Variants in NRG1 observed in about 807,000 individuals in gnomAD.
NRG1 encodes pro-neuregulin-1, membrane-bound isoform.
Under a neutral mutation model 63.8 loss-of-function variants are expected in NRG1, and 18 were observed. The observed-to-expected ratio is 0.28, with a 90% CI of 0.19 to 0.42. The LOEUF is 0.42. Ranked by LOEUF, NRG1 falls within the 10% of genes least tolerant of loss-of-function variation. The pLI, the probability that NRG1 is intolerant of heterozygous loss-of-function variation, is 1.00. For missense variants in NRG1, 762 were observed against 814.7 expected (o/e 0.94, Z 0.79); for synonymous variants, 302 against 301.3 (o/e 1.00, Z -0.02).
At chr8:31,921,569 A>G (rs1833922920) in intron 1 of NRG1, among the ~76,000 whole-genome samples, 1 of 152,092 alleles carries the variant, frequency 6.6e-6, no homozygotes, top group South Asian at 2.1e-4. Flanking sequence ...ATCATAAACC[A>G]TCCTTCCCTC....
chr8:32,028,473 G>A (rs1263791861), intron 1 of NRG1, among the ~76,000 whole-genome samples: 1 of 152,146 alleles, frequency 6.6e-6, no homozygotes, highest in Non-Finnish European at 1.5e-5. Context: ...TTTGATTTTG[G>A]ACTTAGTTTC....
At chr8:32,249,692 A>G (rs1208898228) in intron 1 of NRG1, among the ~76,000 whole-genome samples, 1 of 152,116 alleles carries the variant, frequency 6.6e-6, no homozygotes, top group Non-Finnish European at 1.5e-5. Context: ...AGACTTATTC[A>G]TAGTTCCTTG....
At chr8:32,264,246 T>G (rs569466329) in intron 1 of NRG1, among the ~76,000 whole-genome samples, 10 of 152,216 alleles carry the variant, frequency 6.6e-5, no homozygotes, top group Non-Finnish European at 1.2e-4. Flanking sequence ...TTTTCTTAAT[T>G]TTTAATTGTC....
intron 1 of NRG1, among the ~76,000 whole-genome samples, chr8:32,590,444 T>A (rs958913235): frequency 6.6e-6 from 1 of 152,222 alleles, no homozygotes; most frequent in Non-Finnish European, 1.5e-5. Context: ...CCTCCTGCAT[T>A]TGAAGCATTA....
At chr8:31,953,758 C>T (rs2129623817) in intron 1 of NRG1, among the ~76,000 whole-genome samples, 1 of 152,232 alleles carries the variant, frequency 6.6e-6, no homozygotes, top group East Asian at 1.9e-4. Flanking sequence ...TGAGCACTTC[C>T]TATATTCCTG....
intron 7 of NRG1, among the ~76,000 whole-genome samples, chr8:32,743,573 C>CATATATATACATAT (rs1826839824): frequency 8.8e-6 from 1 of 113,714 alleles, no homozygotes; most frequent in African/African-American, 3.4e-5. Flanking sequence ...TAAGGCAAAA[C>CATATATATACATAT]ATATATATAT....
At chr8:32,157,230 T>C (rs1234098510) in intron 1 of NRG1, among the ~76,000 whole-genome samples, 1 of 151,234 alleles carries the variant, frequency 6.6e-6, no homozygotes, top group African/African-American at 2.4e-5. Flanking sequence ...ATTAGCGTGC[T>C]GGCATGCACC....
chr8:32,640,857 A>G (rs368801682), intron 5 of NRG1, among the ~76,000 whole-genome samples: 1 of 151,994 alleles, frequency 6.6e-6, no homozygotes, highest in East Asian at 1.9e-4. Flanking sequence ...GCACTTTGGG[A>G]GGCTGTGGTG....
intron 1 of NRG1, among the ~76,000 whole-genome samples, chr8:31,726,503 A>T (rs1248897953): frequency 1.3e-5 from 2 of 152,198 alleles, no homozygotes; most frequent in Non-Finnish European, 2.9e-5. Flanking sequence ...ATTTTATTAG[A>T]TCTAGAATGA....
At chr8:32,157,712 A>T (rs1339719305) in intron 1 of NRG1, among the ~76,000 whole-genome samples, 4 of 149,988 alleles carry the variant, frequency 2.7e-5, no homozygotes, top group Non-Finnish European at 5.9e-5. Context: ...TTTTATATAC[A>T]TATCTATATA....
At chr8:32,346,138 A>G (rs1426890921) in intron 1 of NRG1, among the ~76,000 whole-genome samples, 1 of 147,292 alleles carries the variant, frequency 6.8e-6, no homozygotes, top group Non-Finnish European at 1.5e-5. Context: ...TATAAATTAT[A>G]TACCTATAAA....
At chr8:32,728,380 A>G in intron 6 of NRG1, 1 of 985,310 alleles carries the variant, frequency 1.0e-6, no homozygotes, top group African/African-American at 1.7e-5. Flanking sequence ...TTCAGAAAAG[A>G]TGTGCAGATA....
At chr8:31,820,354 C>T (rs1359569656) in intron 1 of NRG1, among the ~76,000 whole-genome samples, 4 of 152,192 alleles carry the variant, frequency 2.6e-5, no homozygotes. Flanking sequence ...TGTATTCTGG[C>T]ATGTAAGCAA....
At chr8:32,546,919 C>A (rs773743135), upstream of NRG1, among the ~76,000 whole-genome samples, 3 of 152,130 alleles carry the variant, frequency 2.0e-5, no homozygotes, top group African/African-American at 7.2e-5. Context: ...ATTTAAATTG[C>A]GGCCATCAGA....
At chr8:32,710,494 A>G (rs1321499860) in intron 5 of NRG1, among the ~76,000 whole-genome samples, 1 of 152,178 alleles carries the variant, frequency 6.6e-6, no homozygotes, top group African/African-American at 2.4e-5. Context: ...GATGGTGTTT[A>G]TAACTCAGCA....
At chr8:32,328,586 C>T (rs1177643652) in intron 1 of NRG1, among the ~76,000 whole-genome samples, 2 of 152,136 alleles carry the variant, frequency 1.3e-5, no homozygotes, top group African/African-American at 4.8e-5. Context: ...AATCCCACCT[C>T]TCTGGGGAGT....
At chr8:31,776,637 C>T (rs1446173515) in intron 1 of NRG1, among the ~76,000 whole-genome samples, 3 of 151,924 alleles carry the variant, frequency 2.0e-5, no homozygotes, top group Admixed American at 6.6e-5. Context: ...GTGCTGCACC[C>T]GTTAACTTGT....
intron 1 of NRG1, among the ~76,000 whole-genome samples, chr8:32,307,226 C>T (rs1243898405): frequency 3.3e-5 from 5 of 152,146 alleles, no homozygotes; most frequent in African/African-American, 7.2e-5. Flanking sequence ...AACCAGAGAG[C>T]AGTCACAATC....
chr8:32,478,131 C>T (rs1333070361), intron 1 of NRG1, among the ~76,000 whole-genome samples: 1 of 152,216 alleles, frequency 6.6e-6, no homozygotes, highest in Non-Finnish European at 1.5e-5. Flanking sequence ...AACAACAATA[C>T]CAACCAGCAG....
Sources: allele counts gnomAD v4.1 joint callset (sites outside exome capture counted in the v4.1 genomes callset), GRCh38; gene constraint gnomAD v4.1.1; transcripts MANE v1.5; gene names NCBI Gene and HGNC (gene_info 2026-07-23, HGNC 2026-07-21).